Variants in ZNF516 observed in about 807,000 individuals in gnomAD.
ZNF516 encodes the protein zinc finger protein 516.
Under a neutral mutation model 79.7 loss-of-function variants are expected in ZNF516, and 19 were observed. The ratio of observed to expected loss-of-function variants is 0.24; its 90% confidence interval spans 0.17 to 0.35. The LOEUF is 0.35. Ranked by LOEUF, ZNF516 falls within the 10% of genes least tolerant of loss-of-function variation. The pLI is 1.00. For synonymous variants in ZNF516, 877 were observed against 739.5 expected, an observed-to-expected ratio of 1.19 and a Z score of -3.02; for missense variants, 1,678 against 1,679.5, an observed-to-expected ratio of 1.00 and a Z score of 0.02.
chr18:76,380,858 A>C (rs111537479), intron 3 of ZNF516, among the ~76,000 whole-genome samples: 1 of 152,170 alleles, frequency 6.6e-6, no homozygotes. Flanking sequence ...CGCCTCAGCC[A>C]TAGGGCTCCC....
intron 3 of ZNF516, among the ~76,000 whole-genome samples, chr18:76,402,549 C>T (rs2075245555): frequency 6.6e-6 from 1 of 152,158 alleles, no homozygotes; most frequent in South Asian, 2.1e-4. Context: ...GAGGCCCCTG[C>T]GGGGGACAGA....
At chr18:76,372,067 T>C (rs2074717323) in intron 4 of ZNF516, among the ~76,000 whole-genome samples, 1 of 152,116 alleles carries the variant, frequency 6.6e-6, no homozygotes, top group African/African-American at 2.4e-5. Context: ...CCCTCTCTCC[T>C]GCCTGCCTGG....
Position 76,442,128 on chromosome 18 carries a change from C to T in ZNF516, c.927G>A (p.Lys309=), listed in dbSNP as rs1476969945. The part of the protein sequence containing the change: ...GPKTGSKNRP[K]SELDPIATIN... ...TGGTGGCGATGGGGTCCAGCTCACT[C>T]TTGGGCCTGTTCTTGCTGCCCGTCT... The change falls in exon 3 of 7, where the codon AAG becomes AAA. Residue 309 remains lysine (K), a synonymous_variant. Coordinates refer to ENST00000443185, the MANE Select transcript of ZNF516 (RefSeq NM_014643.4). 5.0e-6 allele frequency: 8 copies of T among 1,613,878 alleles called. No homozygotes were observed. The highest frequency in any genetic ancestry group is 6.8e-6 in the Non-Finnish European group (8 of 1,179,900).
intron 3 of ZNF516, among the ~76,000 whole-genome samples, chr18:76,382,535 C>T (rs1452357824): frequency 6.6e-6 from 1 of 152,122 alleles, no homozygotes. Flanking sequence ...GTCGAGGCTT[C>T]CAAAATGTTC....
upstream of ZNF516, chr18:76,496,256 G>C (rs972909564): frequency 9.4e-6 from 12 of 1,282,096 alleles, no homozygotes; most frequent in Non-Finnish European, 1.1e-5. Flanking sequence ...CTGCGGAGGG[G>C]TAACACTATC....
At chr18:76,461,661 T>C (rs1913117668) in intron 2 of ZNF516, among the ~76,000 whole-genome samples, 1 of 152,234 alleles carries the variant, frequency 6.6e-6, no homozygotes, top group Non-Finnish European at 1.5e-5. Flanking sequence ...GTGCTTAAAA[T>C]GGGCGCCTGG....
intron 3 of ZNF516, among the ~76,000 whole-genome samples, chr18:76,431,919 TGCCCCATGCATTCC>T (rs1157640753): frequency 6.6e-6 from 1 of 152,220 alleles, no homozygotes; most frequent in African/African-American, 2.4e-5. Context: ...GCACCAGCAG[TGCCCCATGCATTCC>T]GCCTCCAGGT....
chr18:76,397,994 A>G (rs931393006), intron 3 of ZNF516, among the ~76,000 whole-genome samples: 1 of 152,248 alleles, frequency 6.6e-6, no homozygotes, highest in Non-Finnish European at 1.5e-5. Flanking sequence ...TAAATCAGTG[A>G]GTACAGAATC....
intron 3 of ZNF516, among the ~76,000 whole-genome samples, chr18:76,397,787 G>A (rs1032066177): frequency 6.6e-6 from 1 of 152,124 alleles, no homozygotes; most frequent in Non-Finnish European, 1.5e-5. Flanking sequence ...TTTTTGTAGA[G>A]ATGGGTCTCA....
intron 4 of ZNF516, among the ~76,000 whole-genome samples, chr18:76,375,188 C>T (rs1218907584): frequency 6.6e-6 from 1 of 152,178 alleles, no homozygotes; most frequent in African/African-American, 2.4e-5. Context: ...TGCTGGGTTT[C>T]CTTCTGGCTA....
At position 76,460,377 on chromosome 18, in the gene ZNF516, G is replaced by A. The variant is rs567614912; in HGVS notation, c.-158+2651C>T. ...CCCTGTTACCACCTTCCAGGCCCCC[G>A]CTCTCTGGTGCCTGGAATGAGCATT... On this transcript the variant is annotated intron_variant, in intron 2 of 6. Coordinates refer to ENST00000443185, the MANE Select transcript of ZNF516 (RefSeq NM_014643.4). 6.6e-5 allele frequency among the ~76,000 whole-genome samples: 10 copies of A among 152,176 alleles called. No individual in the cohort carries two copies. In the East Asian group the frequency reaches 9.7e-4, roughly 15 times the overall value.
intron 3 of ZNF516, among the ~76,000 whole-genome samples, chr18:76,419,438 A>C (rs1038497793): frequency 1.3e-5 from 2 of 152,228 alleles, no homozygotes; most frequent in African/African-American, 4.8e-5. Context: ...TGCATTTTCT[A>C]CAACGATTAA....
Position 76,381,569 on chromosome 18 carries a change from A to G in ZNF516, c.1811-1266T>C, listed in dbSNP as rs536001658. ...GGAGATAACACTTAGGAATCCCAAC[A>G]AACTGGTAACAAATCCATTCCAAGG... On this transcript the variant is annotated intron_variant, in intron 3 of 6. Coordinates refer to ENST00000443185, the MANE Select transcript of ZNF516 (RefSeq NM_014643.4). Among the ~76,000 whole-genome samples the G allele has an allele frequency of 2.9e-4, 44 of 152,332 alleles. 2 individuals are homozygous for G. The South Asian group carries it at 9.1e-3, about 32-fold the overall frequency.
intron 3 of ZNF516, among the ~76,000 whole-genome samples, chr18:76,435,002 A>G (rs751473377): frequency 9.2e-5 from 14 of 152,360 alleles, no homozygotes; most frequent in African/African-American, 3.4e-4. Context: ...TGAGCAATGC[A>G]CACACCATTC....
Position 76,473,709 on chromosome 18 carries a change from G to A in ZNF516, c.-271-10568C>T, listed in dbSNP as rs1203299394. Among the ~76,000 whole-genome samples, 5 of 151,964 alleles carry A rather than the reference G, an allele frequency of 3.3e-5. No individual in the cohort carries two copies. The East Asian group carries it at 7.8e-4, about 24-fold the overall frequency. ...CCAGCTACTTGGGAAGCTGAGGCAAGAGGACGGCGTGAACCCAGGAGGCGG... is the reference window on the plus strand; with the variant it reads ...CCAGCTACTTGGGAAGCTGAGGCAAAAGGACGGCGTGAACCCAGGAGGCGG... On this transcript the variant is annotated intron_variant, in intron 1 of 6. Transcript: ENST00000443185.
In ZNF516 at chr18:76,379,858, G is replaced by A. The variant is rs756687035; in HGVS notation, c.2256C>T (p.Ser752=). ...GGTGAACGACTAAAGCCGCCTGCAG[G>A]GAGGAGGCCGTCTCCTTATTGCTGG... ...DDPSNKETAS[S]LQAALVVHPC... Residue 752 remains serine, a synonymous_variant, in exon 4 of 7, where the codon TCC becomes TCT. Transcript: ENST00000443185. The A allele has an allele frequency of 6.2e-7, 1 of 1,613,892 alleles. No individual in the cohort carries two copies. Among genetic ancestry groups the A allele is most frequent in the South Asian group, 1.1e-5 (1 of 91,072 alleles).
chr18:76,419,675 C>A (rs1212328801), intron 3 of ZNF516, among the ~76,000 whole-genome samples: 1 of 152,190 alleles, frequency 6.6e-6, no homozygotes, highest in Non-Finnish European at 1.5e-5. Flanking sequence ...AGTTCCCCTG[C>A]ACAAGCCCTC....
intron 3 of ZNF516, among the ~76,000 whole-genome samples, chr18:76,440,146 G>A (rs1599092333): frequency 6.6e-6 from 1 of 152,366 alleles, no homozygotes; most frequent in Admixed American, 6.5e-5. Context: ...GAAAAGACTT[G>A]CCTTCTACAT....
chr18:76,441,331 C>T lies in ZNF516; in HGVS notation c.1724G>A (p.Cys575Tyr), dbSNP rs201517734. ...ASQPSSPGSA[C>Y]AAADSPGSGL... ...AGAGCCCGGGGAGTCAGCAGCGGCA[C>T]AGGCGGAGCCAGGGCTGCTGGGCTG... The change falls in exon 3 of 7, where the codon TGT becomes TAT. Residue 575 changes from cysteine (C) to tyrosine (Y), a missense_variant. Transcript: ENST00000443185. 52 of 1,611,680 alleles carry T rather than the reference C, an allele frequency of 3.2e-5. No individual in the cohort carries two copies. In the African/African-American group the frequency reaches 6.7e-4, roughly 21 times the overall value.
Sources: gnomAD v4.1 joint callset for allele counts (sites outside exome capture counted in the v4.1 genomes callset) on GRCh38, gnomAD v4.1.1 for gene constraint, MANE v1.5 for transcripts, NCBI Gene and HGNC (gene_info 2026-07-23, HGNC 2026-07-21) for gene names.